DCAF6: variants seen among roughly 807,000 people sequenced by gnomAD.
DCAF6 encodes the protein DDB1- and CUL4-associated factor 6.
A neutral mutation model predicts 125.1 loss-of-function variants in DCAF6; 54 were observed. That is an observed-to-expected ratio of 0.43 (90% CI 0.35 to 0.54). The LOEUF (loss-of-function observed/expected upper bound fraction) is 0.54, where lower values mean the gene tolerates loss of function less well. DCAF6 is among the 20% of genes least tolerant of loss of function. The pLI, the probability that DCAF6 is intolerant of heterozygous loss-of-function variation, is 0.01. For synonymous variants in DCAF6, 371 were observed against 390.4 expected, an observed-to-expected ratio of 0.95 and a Z score of 0.58; for missense variants, 934 against 1,161.7, an observed-to-expected ratio of 0.80 and a Z score of 2.85.
At chr1:168,067,374 A>C (rs1181864818) in intron 20 of DCAF6, among the ~76,000 whole-genome samples, 1 of 152,186 alleles carries the variant, frequency 6.6e-6, no homozygotes, top group Non-Finnish European at 1.5e-5. Context: ...TGTCAGTCAG[A>C]GGTATACACA....
chr1:167,905,658 G>A, the DCAF6 span, among the ~76,000 whole-genome samples: 6 of 151,910 alleles, frequency 3.9e-5, no homozygotes, highest in Admixed American at 3.9e-4. Flanking sequence ...ATGTAAGTGA[G>A]TATTAGAGTT....
intron 16 of DCAF6, among the ~76,000 whole-genome samples, chr1:168,045,470 G>T (rs1572078386): frequency 6.6e-6 from 1 of 152,184 alleles, no homozygotes; most frequent in Non-Finnish European, 1.5e-5. Context: ...ACTGAGGCTT[G>T]CTTCTGAATT....
At chr1:168,034,679 T>A (rs1449220618) in intron 12 of DCAF6, among the ~76,000 whole-genome samples, 1 of 152,218 alleles carries the variant, frequency 6.6e-6, no homozygotes, top group African/African-American at 2.4e-5. Context: ...TTCATAGTAA[T>A]GCTCAATAAA....
At position 167,993,464 on chromosome 1, in the gene DCAF6, C is replaced by T. The variant is rs16859971; in HGVS notation, c.903+24C>T. The stretch of plus-strand genomic sequence containing the variant: ...AGGTAGGTTTACTCAAAACCATGTC[C>T]TTTGGCCGGGCGCGGTGGCTCACGC... On this transcript the variant is annotated intron_variant, in intron 7 of 21. Transcript: ENST00000367840. 5.0e-4 allele frequency: 802 copies of T among 1,604,648 alleles called. 10 individuals are homozygous for T. The East Asian group carries it at 0.016, about 31-fold the overall frequency.
chr1:168,017,564 T>A (rs375711919), intron 11 of DCAF6, among the ~76,000 whole-genome samples: 1 of 152,130 alleles, frequency 6.6e-6, no homozygotes, highest in Non-Finnish European at 1.5e-5. Flanking sequence ...AGTAAGATGC[T>A]GTCTTTCCAA....
At chr1:167,893,695 CAAAAAAAAAAAAAAAA>C in the DCAF6 span, among the ~76,000 whole-genome samples, 1 of 70,188 alleles carries the variant, frequency 1.4e-5, no homozygotes, top group African/African-American at 5.0e-5. Context: ...GACTCTGTCT[CAAAAAAAAAAAAAAAA>C]AAAAAAAAGG....
the DCAF6 span, among the ~76,000 whole-genome samples, chr1:167,884,374 A>G: frequency 6.6e-6 from 1 of 152,078 alleles, no homozygotes; most frequent in Non-Finnish European, 1.5e-5. Context: ...ATCCCATGAG[A>G]ACTCATTCAC....
chr1:167,879,989 G>C, the DCAF6 span: 10 of 806,374 alleles, frequency 1.2e-5, no homozygotes, highest in Non-Finnish European at 1.9e-5. Context: ...GCTCCATCTG[G>C]AAGACTCTAA....
Position 168,063,658 on chromosome 1 carries a change from C to G in DCAF6, c.2338C>G (p.Arg780Gly), listed in dbSNP as rs773283748. The change falls in exon 18 of 22, where the codon CGG (arginine) becomes GGG (glycine). Residue 780 changes from arginine (R) to glycine (G), a missense_variant. Coordinates refer to ENST00000367840, the MANE Select transcript of DCAF6 (RefSeq NM_001198956.2). ...TGCCCGTATTCAGGAGTTCTTCAGA[C>G]GGAGAAAAGAAAGGAAAGAAATGGA... ...AVARIQEFFRRRKERKEMEEL... is the reference protein window; with the variant it reads ...AVARIQEFFRGRKERKEMEEL... 1.9e-6 allele frequency: 3 copies of G among 1,600,346 alleles called. No homozygotes were observed.
At chr1:167,875,054 A>C in the DCAF6 span, 1 of 1,142,932 alleles carries the variant, frequency 8.7e-7, no homozygotes, top group Middle Eastern at 1.9e-4. Context: ...TAAGCTGCAC[A>C]GTTATCATTG....
intron 10 of DCAF6, among the ~76,000 whole-genome samples, chr1:168,015,225 C>A (rs963986237): frequency 4.6e-5 from 7 of 152,254 alleles, no homozygotes; most frequent in African/African-American, 1.7e-4. Flanking sequence ...TTATGTAAAT[C>A]TTTTTGAACT....
At chr1:167,884,317 T>C in the DCAF6 span, among the ~76,000 whole-genome samples, 1 of 152,134 alleles carries the variant, frequency 6.6e-6, no homozygotes, top group African/African-American at 2.4e-5. Context: ...ACTTCTTATA[T>C]GGCCAGAGGA....
chr1:167,985,703 A>G (rs1679906095), intron 4 of DCAF6, among the ~76,000 whole-genome samples: 1 of 152,216 alleles, frequency 6.6e-6, no homozygotes, highest in Non-Finnish European at 1.5e-5. Flanking sequence ...TCTGCTTACC[A>G]CAATAATAGT....
At chr1:168,037,957 T>G (rs1688054243) in intron 12 of DCAF6, among the ~76,000 whole-genome samples, 1 of 152,216 alleles carries the variant, frequency 6.6e-6, no homozygotes, top group Admixed American at 6.5e-5. Context: ...CACAGAGCCC[T>G]TGTATCTTAC....
At chr1:168,000,716 A>T (rs1682489530) in intron 7 of DCAF6, among the ~76,000 whole-genome samples, 3 of 152,190 alleles carry the variant, frequency 2.0e-5, no homozygotes, top group Admixed American at 6.6e-5. Context: ...CCTTGAAAAC[A>T]TAATACTAAG....
rs10918803 is a variant in DCAF6 at position 167,966,906 on chromosome 1, A to T, written c.252+185A>T. Among the ~76,000 whole-genome samples the T allele has an allele frequency of 2.6e-3, 395 of 152,278 alleles. 3 individuals carry two copies. The highest frequency in any genetic ancestry group is 8.9e-3 in the African/African-American group (369 of 41,566). ...TGGGTCTCTTAGATTACTTAGGGAA[A>T]CAAGATTTTATTCAGCCTTGGGATC... is the stretch of plus-strand genomic sequence containing the variant. On this transcript the variant is annotated intron_variant, in intron 3 of 21. Transcript: ENST00000367840.
chr1:167,880,049 G>T, the DCAF6 span: 1 of 1,420,366 alleles, frequency 7.0e-7, no homozygotes, highest in Non-Finnish European at 9.8e-7. Flanking sequence ...GCTTCCTCCC[G>T]CAAAGCCCAG....
intron 2 of DCAF6, among the ~76,000 whole-genome samples, chr1:167,958,333 G>GTGTTTTTTTT: frequency 6.8e-6 from 1 of 147,150 alleles, no homozygotes; most frequent in East Asian, 2.0e-4. Flanking sequence ...GGGGTCCAAG[G>GTGTTTTTTTT]TGTTTTTTTT....
At chr1:168,045,346 C>A in intron 16 of DCAF6, 119 bp downstream of exon 16, 1 of 869,282 alleles carries the variant, frequency 1.2e-6, no homozygotes, top group Non-Finnish European at 1.7e-6. Context: ...GTGTCTCATT[C>A]ATATAAACTT....
Sources: gnomAD v4.1 joint callset for allele counts (sites outside exome capture counted in the v4.1 genomes callset) on GRCh38, gnomAD v4.1.1 for gene constraint, MANE v1.5 for transcripts, NCBI Gene and HGNC (gene_info 2026-07-23, HGNC 2026-07-21) for gene names.